Variants in DAB1 observed in about 807,000 individuals in gnomAD.
DAB1 encodes DAB adaptor protein 1, also known as disabled homolog 1.
DAB1 carries 15 observed loss-of-function variants against 64.6 expected under a neutral mutation model. The ratio of observed to expected loss-of-function variants is 0.23; its 90% CI spans 0.16 to 0.36. The LOEUF (loss-of-function observed/expected upper bound fraction) is 0.36. DAB1 is among the 10% of genes least tolerant of loss of function. The pLI is 1.00. For synonymous variants in DAB1, 235 were observed against 251.9 expected (o/e 0.93, Z 0.64); for missense variants, 596 against 706.7 (o/e 0.84, Z 1.78).
At chr1:58,539,177 G>T (rs868539266) in intron 1 of DAB1, 2 of 872,926 alleles carry the variant, frequency 2.3e-6, no homozygotes, top group Non-Finnish European at 4.0e-6. Context: ...ACTTGTACTT[G>T]ATGACAGCCC....
Position 57,954,098 on chromosome 1 carries a change from TG to T in DAB1, n.388-69937del, listed in dbSNP as rs936699604. On this transcript the variant is annotated intron_variant and non_coding_transcript_variant, in intron 5 of 20. Coordinates refer to the DAB1 transcript ENST00000485760. Reference sequence around the variant, plus strand: ...TTCACTATCAATCCTCTTCTCTATGTGCTTCCAGTGGGGATGAGGGGTGTCC... The same window carrying T: ...TTCACTATCAATCCTCTTCTCTATGTCTTCCAGTGGGGATGAGGGGTGTCC... Among the ~76,000 whole-genome samples, 64 of 152,304 alleles carry T rather than the reference TG, an allele frequency of 4.2e-4. 1 individual carries two copies. Among genetic ancestry groups the T allele is most frequent in the African/African-American group, 1.5e-3 (61 of 41,576 alleles).
chr1:57,996,961 C>T (rs755878176), intron 5 of DAB1, among the ~76,000 whole-genome samples: 24 of 151,956 alleles, frequency 1.6e-4, no homozygotes, highest in Non-Finnish European at 3.1e-4. Flanking sequence ...GATAGAGATC[C>T]GCCTCCACCC....
At chr1:58,191,220 A>G (rs1402981549) in intron 4 of DAB1, among the ~76,000 whole-genome samples, 1 of 152,184 alleles carries the variant, frequency 6.6e-6, no homozygotes, top group Non-Finnish European at 1.5e-5. Flanking sequence ...ATATTTACTG[A>G]GCACTTACTA....
chr1:58,457,663 C>T (rs1369513565), intron 3 of DAB1, among the ~76,000 whole-genome samples: 1 of 152,202 alleles, frequency 6.6e-6, no homozygotes, highest in Non-Finnish European at 1.5e-5. Context: ...ATTAATTAAA[C>T]CGTCTCTGTT....
chr1:58,139,162 A>T (rs1570405863), intron 5 of DAB1, among the ~76,000 whole-genome samples: 2 of 152,122 alleles, frequency 1.3e-5, no homozygotes, highest in East Asian at 3.9e-4. Context: ...TCCACCCCGC[A>T]CATCACCTTC....
intron 4 of DAB1, among the ~76,000 whole-genome samples, chr1:58,326,117 T>TTA (rs1332180961): frequency 6.6e-6 from 1 of 152,184 alleles, no homozygotes; most frequent in Non-Finnish European, 1.5e-5. Flanking sequence ...TCACGTAGCA[T>TTA]TATACACCAC....
intron 5 of DAB1, among the ~76,000 whole-genome samples, chr1:57,924,624 TA>T (rs56001231): frequency 2.1e-5 from 2 of 95,944 alleles, no homozygotes; most frequent in African/African-American, 3.3e-5. Context: ...CACACTTGGC[TA>T]ATTTTTTTTT....
chr1:57,419,029 T>C (rs1470856493), intron 1 of DAB1, among the ~76,000 whole-genome samples: 2 of 152,192 alleles, frequency 1.3e-5, no homozygotes, highest in Non-Finnish European at 2.9e-5. Context: ...ATTTCACAGA[T>C]TCAGTTCAGT....
chr1:57,346,553 T>G (rs937213863), intron 1 of DAB1, among the ~76,000 whole-genome samples: 9 of 152,206 alleles, frequency 5.9e-5, no homozygotes, highest in Non-Finnish European at 1.3e-4. Context: ...ATTTATAAAT[T>G]TATTAATAAA....
chr1:57,067,029 C>T (rs150281307), intron 8 of DAB1, among the ~76,000 whole-genome samples: 418 of 151,966 alleles, frequency 2.8e-3, no homozygotes, highest in Non-Finnish European at 4.9e-3. Flanking sequence ...AAAAATGAGG[C>T]GCCTAATAGC....
chr1:57,838,027 T>C (rs1652888931), intron 1 of DAB1, among the ~76,000 whole-genome samples: 1 of 152,038 alleles, frequency 6.6e-6, no homozygotes, highest in Non-Finnish European at 1.5e-5. Context: ...GTGTTTACTC[T>C]GCTATAGGCA....
At chr1:58,288,432 C>T (rs1343250298) in intron 4 of DAB1, among the ~76,000 whole-genome samples, 1 of 152,168 alleles carries the variant, frequency 6.6e-6, no homozygotes, top group Non-Finnish European at 1.5e-5. Flanking sequence ...TCTCAGCCTT[C>T]TGAAATTCTA....
intron 5 of DAB1, among the ~76,000 whole-genome samples, chr1:58,052,966 G>C (rs2100532238): frequency 6.6e-6 from 1 of 152,330 alleles, no homozygotes; most frequent in South Asian, 2.1e-4. Flanking sequence ...AGGCAAAGAA[G>C]TGCTAGCTTG....
At chr1:57,528,649 C>T (rs200403724) in intron 7 of DAB1, among the ~76,000 whole-genome samples, 26,118 of 146,566 alleles carry the variant, frequency 0.18, 2,720 homozygotes, top group Non-Finnish European at 0.23. Flanking sequence ...CACACACACA[C>T]ACACACACAC....
intron 7 of DAB1, among the ~76,000 whole-genome samples, chr1:57,468,627 CAT>C (rs1558408868): frequency 6.6e-6 from 1 of 152,034 alleles, no homozygotes; most frequent in African/African-American, 2.4e-5. Flanking sequence ...ATGGGTGTGA[CAT>C]GTGTGTTTTT....
chr1:57,952,461 C>A (rs114666739), intron 5 of DAB1, among the ~76,000 whole-genome samples: 85 of 152,202 alleles, frequency 5.6e-4, no homozygotes, highest in African/African-American at 2.0e-3. Flanking sequence ...AGTATCTTCA[C>A]TAATCATATC....
At chr1:58,208,353 T>C (rs1181142333) in intron 4 of DAB1, among the ~76,000 whole-genome samples, 1 of 152,150 alleles carries the variant, frequency 6.6e-6, no homozygotes, top group Non-Finnish European at 1.5e-5. Context: ...CATGGACAAG[T>C]TCTTTAGCGG....
chr1:57,011,381 C>A, intron 12 of DAB1, 109 bp from the exon 13 acceptor site: 1 of 1,284,736 alleles, frequency 7.8e-7, no homozygotes, highest in Non-Finnish European at 1.1e-6. Flanking sequence ...CTTAGGATTC[C>A]TCTTCCTATT....
Position 56,997,884 on chromosome 1 carries a change from T to C in DAB1, c.*260A>G, listed in dbSNP as rs1396020911. 6.6e-6 allele frequency: 1 copy of C among 152,022 alleles called. No homozygotes were observed. Among genetic ancestry groups the C allele is most frequent in the Non-Finnish European group, 1.5e-5 (1 of 68,034 alleles). 9.4% of individuals were successfully genotyped at this position (152,022 alleles called of 1,614,324 possible). ...GCTTGATTTCTGATTTAATGTTGGG[T>C]GGATCTTTCTATACTTTTTTTGTGT... On this transcript the variant is annotated 3_prime_UTR_variant, in exon 15 of 15. Coordinates refer to ENST00000371236, the MANE Select transcript of DAB1 (RefSeq NM_001365792.1).
Sources: allele counts gnomAD v4.1 joint callset (sites outside exome capture counted in the v4.1 genomes callset), GRCh38; gene constraint gnomAD v4.1.1; transcripts MANE v1.5; gene names NCBI Gene and HGNC (gene_info 2026-07-23, HGNC 2026-07-21).